CSMD1: variants seen among roughly 807,000 people sequenced by gnomAD.
CSMD1 encodes the protein CUB and Sushi multiple domains 1.
A neutral mutation model predicts 417.5 loss-of-function variants in CSMD1; 213 were observed. The observed-to-expected ratio is 0.51, with a 90% CI of 0.46 to 0.57. The LOEUF (loss-of-function observed/expected upper bound fraction) is 0.57. Ranked by LOEUF, CSMD1 falls within the 20% of genes least tolerant of loss-of-function variation. The probability of loss-of-function intolerance (pLI) is 0.00; values close to 1 mark genes in which losing one functional copy is unlikely to be tolerated. For synonymous variants in CSMD1, 2,862 were observed against 1,736.8 expected, an observed-to-expected ratio of 1.65 and a Z score of -16.11; for missense variants, 6,923 against 4,529.7, an observed-to-expected ratio of 1.53 and a Z score of -15.17.
At chr8:4,450,985 G>C (rs1290669075) in intron 2 of CSMD1, among the ~76,000 whole-genome samples, 1 of 151,274 alleles carries the variant, frequency 6.6e-6, no homozygotes, top group Non-Finnish European at 1.5e-5. Flanking sequence ...TTTGGGTACT[G>C]AATTGACAGC....
chr8:4,308,586 T>C (rs950392943), intron 3 of CSMD1, among the ~76,000 whole-genome samples: 2 of 152,202 alleles, frequency 1.3e-5, no homozygotes, highest in South Asian at 2.1e-4. Flanking sequence ...CAGGAAATGC[T>C]CCTTAGAATA....
chr8:4,097,871 G>T (rs28526725), intron 3 of CSMD1, among the ~76,000 whole-genome samples: 1,852 of 152,226 alleles, frequency 0.012, 41 homozygotes, highest in African/African-American at 0.041. Context: ...GTGTGACTAC[G>T]TCTATCCATG....
At chr8:4,798,910 A>T (rs538199745) in intron 1 of CSMD1, among the ~76,000 whole-genome samples, 1 of 152,316 alleles carries the variant, frequency 6.6e-6, no homozygotes, top group Admixed American at 6.5e-5. Flanking sequence ...CAAAGTAAAA[A>T]TTCAGCAACT....
intron 5 of CSMD1, among the ~76,000 whole-genome samples, chr8:3,889,747 G>C (rs1023339958): frequency 6.6e-6 from 1 of 151,694 alleles, no homozygotes; most frequent in East Asian, 1.9e-4. Flanking sequence ...ATTATGTATA[G>C]TATCACCTTA....
chr8:4,799,925 G>A (rs1209677433), intron 1 of CSMD1, among the ~76,000 whole-genome samples: 1 of 152,058 alleles, frequency 6.6e-6, no homozygotes, highest in East Asian at 1.9e-4. Flanking sequence ...TGCAGCTTTC[G>A]AAAGCGATGC....
At chr8:4,475,322 G>C (rs189622548) in intron 2 of CSMD1, among the ~76,000 whole-genome samples, 27 of 152,214 alleles carry the variant, frequency 1.8e-4, no homozygotes, top group African/African-American at 6.5e-4. Flanking sequence ...TCCAAATTGT[G>C]ATAGCTTCAT....
At chr8:4,155,690 A>C (rs1796798350) in intron 3 of CSMD1, among the ~76,000 whole-genome samples, 1 of 152,122 alleles carries the variant, frequency 6.6e-6, no homozygotes. Context: ...GCAAATTTCT[A>C]ATCAACAGTG....
At chr8:3,636,931 T>G (rs1193142137) in intron 7 of CSMD1, among the ~76,000 whole-genome samples, 2 of 152,182 alleles carry the variant, frequency 1.3e-5, no homozygotes, top group African/African-American at 4.8e-5. Flanking sequence ...ATGAATGAAT[T>G]AGTATCATTA....
intron 7 of CSMD1, among the ~76,000 whole-genome samples, chr8:3,701,201 A>G (rs776818921): frequency 1.1e-4 from 16 of 152,154 alleles, no homozygotes; most frequent in Non-Finnish European, 2.4e-4. Flanking sequence ...TCTGGCCCGT[A>G]GAAGAGAAAT....
chr8:2,978,478 A>G, intron 55 of CSMD1, 134 bp downstream of exon 55: 1 of 702,162 alleles, frequency 1.4e-6, no homozygotes, highest in Non-Finnish European at 2.3e-6. Context: ...GCTATCATAA[A>G]AACTCCTACA....
At chr8:4,834,867 G>C (rs1368207813) in intron 1 of CSMD1, among the ~76,000 whole-genome samples, 3 of 148,954 alleles carry the variant, frequency 2.0e-5, no homozygotes, top group Non-Finnish European at 3.0e-5. Flanking sequence ...TGAGGCAGGA[G>C]AAAGGCGGAA....
In CSMD1 at chr8:3,652,376, C is replaced by T. The variant is rs540548111; in HGVS notation, c.1010-35579G>A. ...ATCAGCATGCTTACCACCATCAGAG[C>T]GCTTAGCACCATCACAAATACGTTG... On this transcript the variant is annotated intron_variant, in intron 7 of 69. Coordinates refer to ENST00000635120, the MANE Select transcript of CSMD1 (RefSeq NM_033225.6). Among the ~76,000 whole-genome samples, 21 of 152,316 alleles carry T rather than the reference C, an allele frequency of 1.4e-4. 1 individual carries two copies. Among genetic ancestry groups the T allele is most frequent in the African/African-American group, 3.8e-4 (16 of 41,572 alleles).
rs1026062195 is a variant in CSMD1 at position 4,420,532 on chromosome 8, A to T, written c.303-467T>A. Among the ~76,000 whole-genome samples, 18 of 152,070 alleles carry T rather than the reference A, an allele frequency of 1.2e-4. 1 individual carries two copies. In the South Asian group the frequency reaches 3.1e-3, roughly 26 times the overall value. ...TATTTTTCCTAATTCACTATTTTTA[A>T]TTTTTTTCTAATAAAAAATATGACA... On this transcript the variant is annotated intron_variant, in intron 2 of 69. Transcript: ENST00000635120.
chr8:4,699,681 T>C (rs914218797), intron 1 of CSMD1, among the ~76,000 whole-genome samples: 27 of 152,292 alleles, frequency 1.8e-4, no homozygotes, highest in African/African-American at 5.8e-4. Flanking sequence ...TCATCATCCG[T>C]ACATATGATT....
intron 2 of CSMD1, among the ~76,000 whole-genome samples, chr8:4,525,907 G>T (rs34029111): frequency 0.24 from 36,757 of 151,990 alleles, 5,501 homozygotes; most frequent in East Asian, 0.37. Flanking sequence ...ATAAGTGCAG[G>T]CCTTAGTAAC....
At chr8:4,833,623 G>A (rs1239805314) in intron 1 of CSMD1, among the ~76,000 whole-genome samples, 1 of 152,204 alleles carries the variant, frequency 6.6e-6, no homozygotes, top group Non-Finnish European at 1.5e-5. Context: ...TTTCTCCGCT[G>A]ATACTGTATC....
rs1322382318 is a variant in CSMD1, at chr8:3,387,498, G to A, written c.2778C>T (p.Cys926=). The change falls in exon 18 of 70, where the codon TGC becomes TGT. Residue 926 remains cysteine (C), a synonymous_variant. Transcript: ENST00000635120. ...NHQWNHALPS[C]DALCGGYIQG... Reference sequence around the variant, plus strand: ...GCCTCACTGAGCTGTACCTACCGTCGCAGCTGGGCAAGGCGTGGTTCCACT... The same window carrying A: ...GCCTCACTGAGCTGTACCTACCGTCACAGCTGGGCAAGGCGTGGTTCCACT... 3.1e-6 allele frequency: 5 copies of A among 1,597,300 alleles called. No individual in the cohort carries two copies. The highest frequency in any genetic ancestry group is 2.6e-6 in the Non-Finnish European group (3 of 1,171,810).
chr8:4,630,525 G>C (rs1216336061), intron 2 of CSMD1, among the ~76,000 whole-genome samples: 3 of 152,150 alleles, frequency 2.0e-5, no homozygotes, highest in African/African-American at 7.2e-5. Context: ...AACCAGTAAT[G>C]ATTGAGCTTA....
chr8:4,610,542 G>C (rs1585327139), intron 2 of CSMD1, among the ~76,000 whole-genome samples: 1 of 152,150 alleles, frequency 6.6e-6, no homozygotes, highest in Non-Finnish European at 1.5e-5. Context: ...TACCCCAGGA[G>C]GTATCATGTT....
Sources: allele counts gnomAD v4.1 joint callset (sites outside exome capture counted in the v4.1 genomes callset), GRCh38; gene constraint gnomAD v4.1.1; transcripts MANE v1.5; gene names NCBI Gene and HGNC (gene_info 2026-07-23, HGNC 2026-07-21).